The following MRPL35 variants were observed in gnomAD, a reference collection of about 807,000 sequenced individuals.
MRPL35 encodes the protein large ribosomal subunit protein bL35m.
A neutral mutation model predicts 21.6 loss-of-function variants in MRPL35; 18 were observed. The observed-to-expected ratio is 0.83, with a 90% CI of 0.58 to 1.24. MRPL35 has a LOEUF of 1.24. MRPL35 is among the 50% of genes most tolerant of loss of function. MRPL35 has a pLI of 0.00. For missense variants in MRPL35, 223 were observed against 223.2 expected (o/e 1.00, Z 0.01); for synonymous variants, 87 against 86.9 (o/e 1.00, Z -0.01).
intron 1 of MRPL35, among the ~76,000 whole-genome samples, chr2:86,200,766 C>T (rs1015085327): frequency 2.0e-5 from 3 of 151,930 alleles, no homozygotes; most frequent in African/African-American, 7.3e-5. Flanking sequence ...GCAACCTCCT[C>T]CTCCCAGGTT....
At chr2:86,199,806 G>A (rs778602180) in intron 1 of MRPL35, among the ~76,000 whole-genome samples, 2 of 152,178 alleles carry the variant, frequency 1.3e-5, no homozygotes, top group Non-Finnish European at 2.9e-5. Context: ...AACGGAGGGG[G>A]CGAGGGAAAC....
At chr2:86,208,303 G>GTT (rs796254230) in intron 3 of MRPL35, among the ~76,000 whole-genome samples, 3 of 143,092 alleles carry the variant, frequency 2.1e-5, no homozygotes, top group African/African-American at 5.1e-5. Flanking sequence ...GTGTGTATGT[G>GTT]TTTTTTTTTT....
chr2:86,213,633 C>T lies in MRPL35; in HGVS notation c.*2965C>T, dbSNP rs888335449. 6.4e-7 allele frequency: 1 copy of T among 1,550,424 alleles called. No individual in the cohort carries two copies. The highest frequency in any genetic ancestry group is 1.4e-5 in the African/African-American group (1 of 73,164). On this transcript the variant is annotated 3_prime_UTR_variant, in exon 4 of 4. Transcript: ENST00000337109. ...CCCTGTTGTCACCTGCACAGGCACT[C>T]CCCCATTTGCAGATGAAGAAATGTT...
chr2:86,202,255 G>C (rs536558089), intron 1 of MRPL35, among the ~76,000 whole-genome samples: 1 of 152,256 alleles, frequency 6.6e-6, no homozygotes, highest in African/African-American at 2.4e-5. Context: ...TCTAACTTCA[G>C]TGTATTTATT....
At chr2:86,209,366 G>T (rs1673858974) in intron 3 of MRPL35, among the ~76,000 whole-genome samples, 1 of 152,188 alleles carries the variant, frequency 6.6e-6, no homozygotes, top group Admixed American at 6.5e-5. Context: ...AGAGCCCTTG[G>T]CTTGAAAGGA....
In MRPL35 at chr2:86,211,403, C is replaced by T; in HGVS notation, c.*735C>T. The T allele has an allele frequency of 1.0e-6, 1 of 985,320 alleles. No homozygotes were observed. Among genetic ancestry groups the T allele is most frequent in the Non-Finnish European group, 1.2e-6 (1 of 829,900 alleles). 61.0% of individuals were successfully genotyped at this position (985,320 alleles called of 1,614,324 possible). ...ATTGTCTAGAGTAGGGATTGGCTGT[C>T]CTTAAGTCAGGAGCCCGCTTTGTAT... On this transcript the variant is annotated 3_prime_UTR_variant, in exon 4 of 4. Transcript: ENST00000337109.
In MRPL35 at chr2:86,212,648, C is replaced by G. The variant is rs1673930584; in HGVS notation, c.*1980C>G. 1.5e-6 allele frequency: 2 copies of G among 1,356,404 alleles called. No homozygotes were observed. Among genetic ancestry groups the G allele is most frequent in the Non-Finnish European group, 1.9e-6 (2 of 1,056,520 alleles). 84.0% of individuals were successfully genotyped at this position (1,356,404 alleles called of 1,614,324 possible). On this transcript the variant is annotated 3_prime_UTR_variant, in exon 4 of 4. Coordinates refer to ENST00000337109, the MANE Select transcript of MRPL35 (RefSeq NM_016622.4). ...CTTCGTTTCTCCTCTAGACCAGGGA[C>G]AGGTGTAGAGATAAGGACTGGCAAC...
rs1313505656 is a variant in MRPL35, at chr2:86,211,751, T to G, written c.*1083T>G. 5 of 983,244 alleles carry G rather than the reference T, an allele frequency of 5.1e-6. No individual in the cohort carries two copies. Among genetic ancestry groups the G allele is most frequent in the Non-Finnish European group, 6.0e-6 (5 of 828,056 alleles). 60.9% of individuals were successfully genotyped at this position (983,244 alleles called of 1,614,324 possible). On this transcript the variant is annotated 3_prime_UTR_variant, in exon 4 of 4. Transcript: ENST00000337109. ...GGTGCAATCATAGCTCATTGAAGCC[T>G]CGCACTCCTGGGCTCAAGTGGTCCT...
intron 1 of MRPL35, among the ~76,000 whole-genome samples, chr2:86,201,041 T>G (rs1435141127): frequency 6.6e-6 from 1 of 152,158 alleles, no homozygotes; most frequent in Non-Finnish European, 1.5e-5. Context: ...AGCTGATTGA[T>G]CTCATCCTGG....
intron 2 of MRPL35, 53 bp from the exon 3 acceptor site, chr2:86,207,130 T>C: frequency 6.7e-7 from 1 of 1,498,322 alleles, no homozygotes; most frequent in East Asian, 2.5e-5. Flanking sequence ...TAATGAATTT[T>C]AATCCTTTAA....
chr2:86,213,656 G>A lies in MRPL35; in HGVS notation c.*2988G>A, dbSNP rs970532618. ...CTCCCCCATTTGCAGATGAAGAAAT[G>A]TTCAGAGAAGAAAAATGATGGACCA... On this transcript the variant is annotated 3_prime_UTR_variant, in exon 4 of 4. Transcript: ENST00000337109. 6.4e-6 allele frequency: 10 copies of A among 1,550,474 alleles called. No individual in the cohort carries two copies. Among genetic ancestry groups the A allele is most frequent in the Middle Eastern group, 1.7e-4 (1 of 5,990 alleles).
intron 3 of MRPL35, among the ~76,000 whole-genome samples, chr2:86,209,971 C>T (rs1210703898): frequency 2.0e-5 from 3 of 152,156 alleles, no homozygotes; most frequent in African/African-American, 2.4e-5. Context: ...CATGCCACTG[C>T]ACTCCAGCCT....
chr2:86,209,578 C>A (rs1453475154), intron 3 of MRPL35, among the ~76,000 whole-genome samples: 1 of 152,132 alleles, frequency 6.6e-6, no homozygotes, highest in Non-Finnish European at 1.5e-5. Context: ...TGTGGGTTAA[C>A]CATTCCTTCA....
intron 1 of MRPL35, among the ~76,000 whole-genome samples, chr2:86,202,170 G>A (rs1348386389): frequency 6.6e-6 from 1 of 152,212 alleles, no homozygotes; most frequent in African/African-American, 2.4e-5. Context: ...GCAGTAGATA[G>A]AGCCTCCCCA....
intron 1 of MRPL35, among the ~76,000 whole-genome samples, chr2:86,201,007 C>G (rs1172178249): frequency 6.6e-6 from 1 of 152,146 alleles, no homozygotes; most frequent in East Asian, 1.9e-4. Flanking sequence ...TTCTCCATTT[C>G]CAGTTTGGGG....
chr2:86,207,065 T>C, intron 2 of MRPL35, 118 bp from the exon 3 acceptor site: 1 of 965,922 alleles, frequency 1.0e-6, no homozygotes, highest in Non-Finnish European at 1.5e-6. Flanking sequence ...TAATATTGTA[T>C]ATGAAAAGTT....
At position 86,212,371 on chromosome 2, in the gene MRPL35, G is replaced by C; in HGVS notation, c.*1703G>C. On this transcript the variant is annotated 3_prime_UTR_variant, in exon 4 of 4. Transcript: ENST00000337109. Reference sequence around the variant, plus strand: ...TTGATTTGAGGTGAGGTAAAAGCCTGAAACATGGAATGGCATTCTGTTTTG... The same window carrying C: ...TTGATTTGAGGTGAGGTAAAAGCCTCAAACATGGAATGGCATTCTGTTTTG... The C allele has an allele frequency of 8.7e-6, 14 of 1,613,444 alleles. No individual in the cohort carries two copies. The highest frequency in any genetic ancestry group is 1.1e-5 in the Non-Finnish European group (13 of 1,179,692).
At chr2:86,200,735 A>G (rs1446939920) in intron 1 of MRPL35, among the ~76,000 whole-genome samples, 4 of 151,530 alleles carry the variant, frequency 2.6e-5, no homozygotes, top group Non-Finnish European at 5.9e-5. Flanking sequence ...CTGGAGTGCA[A>G]TGGCACGATC....
At position 86,210,603 on chromosome 2, in the gene MRPL35, A is replaced by G. The variant is rs1673885467; in HGVS notation, c.502A>G (p.Arg168Gly). ...TAAAATGACGACGTCCTTCTGGAAGAGGCGAAACTGGTACGTTGATGATCC... is the reference window on the plus strand; with the variant it reads ...TAAAATGACGACGTCCTTCTGGAAGGGGCGAAACTGGTACGTTGATGATCC... ...LDKMTTSFWK[R>G]RNWYVDDPYQ... The change falls in exon 4 of 4, where the codon AGG becomes GGG. Residue 168 changes from arginine to glycine, a missense_variant. Coordinates refer to ENST00000337109, the MANE Select transcript of MRPL35 (RefSeq NM_016622.4). 1.9e-6 allele frequency: 3 copies of G among 1,614,022 alleles called. No individual in the cohort carries two copies. In the East Asian group the frequency reaches 6.7e-5, roughly 36 times the overall value.
Sources: gnomAD v4.1 joint callset for allele counts (sites outside exome capture counted in the v4.1 genomes callset) on GRCh38, gnomAD v4.1.1 for gene constraint, MANE v1.5 for transcripts, NCBI Gene and HGNC (gene_info 2026-07-23, HGNC 2026-07-21) for gene names.